Variants in PRKN observed in about 807,000 individuals in gnomAD.
PRKN encodes the protein E3 ubiquitin-protein ligase parkin.
PRKN carries 56 observed loss-of-function variants against 59.5 expected under a neutral mutation model. The observed-to-expected ratio is 0.94, with a 90% CI of 0.76 to 1.18. PRKN has a LOEUF of 1.18. PRKN is among the 50% of genes most tolerant of loss of function. The probability of loss-of-function intolerance (pLI) is 0.00; values close to 1 mark genes in which losing one functional copy is unlikely to be tolerated. For synonymous variants in PRKN, 250 were observed against 222.1 expected (o/e 1.13, Z -1.12); for missense variants, 657 against 596.4 (o/e 1.10, Z -1.06).
At chr6:161,906,918 T>A (rs1342196247) in intron 6 of PRKN, among the ~76,000 whole-genome samples, 2 of 152,042 alleles carry the variant, frequency 1.3e-5, no homozygotes, top group Non-Finnish European at 2.9e-5. Flanking sequence ...ATCCACGCTC[T>A]TCTGCCTGCT....
intron 7 of PRKN, among the ~76,000 whole-genome samples, chr6:161,663,540 G>T (rs892708596): frequency 2.6e-4 from 40 of 152,116 alleles, no homozygotes; most frequent in African/African-American, 9.6e-4. Context: ...ATACTTAGTG[G>T]GATAAATCAA....
Position 161,550,056 on chromosome 6 carries a change from T to C in PRKN, c.934-1053A>G, listed in dbSNP as rs1043760719. The stretch of plus-strand genomic sequence containing the variant: ...TACAAAGCAGGTGTCTTTAAGCAAA[T>C]GTCTGAAGGAGATTAGAAATGCAAG... On this transcript the variant is annotated intron_variant, in intron 8 of 11. Transcript: ENST00000366898. The surrounding 1 kb of genome is among the most constrained non-coding windows in gnomAD (Gnocchi z 4.0). Among the ~76,000 whole-genome samples, 5 of 152,150 alleles carry C rather than the reference T, an allele frequency of 3.3e-5. No individual in the cohort carries two copies. Among genetic ancestry groups the C allele is most frequent in the African/African-American group, 1.2e-4 (5 of 41,426 alleles).
Position 161,460,782 on chromosome 6 carries a change from G to C in PRKN, c.1084-73905C>G. On this transcript the variant is annotated intron_variant, in intron 9 of 11. Transcript: ENST00000366898. This position sits in a 1 kb window ranked among gnomAD's most constrained non-coding sequence, Gnocchi z 5.0. ...TTTTTTTTTCTTCAGATGGAGTCTC[G>C]TTCTGTCGCCAGGCTGGAGTGCAGT... 6.7e-6 allele frequency among the ~76,000 whole-genome samples: 1 copy of C among 148,794 alleles called. No homozygotes were observed. Among genetic ancestry groups the C allele is most frequent in the East Asian group, 2.0e-4 (1 of 5,090 alleles).
chr6:161,603,526 T>C (rs1583281408), intron 7 of PRKN, among the ~76,000 whole-genome samples: 1 of 152,216 alleles, frequency 6.6e-6, no homozygotes, highest in Non-Finnish European at 1.5e-5. Flanking sequence ...ATAAGCTGTT[T>C]AAAATTTTAA....
At chr6:162,489,560 C>T (rs188820890) in intron 1 of PRKN, among the ~76,000 whole-genome samples, 58 of 152,266 alleles carry the variant, frequency 3.8e-4, no homozygotes, top group African/African-American at 1.2e-3. Flanking sequence ...CCTATTTTTA[C>T]GCAAAACCGC....
chr6:162,330,940 CA>C (rs1562676269), intron 2 of PRKN, among the ~76,000 whole-genome samples: 1 of 152,142 alleles, frequency 6.6e-6, no homozygotes, highest in East Asian at 1.9e-4. Context: ...ATACAGACCC[CA>C]GGGGTCCTTC....
At chr6:162,208,894 T>C (rs1003527899) in intron 3 of PRKN, among the ~76,000 whole-genome samples, 1 of 152,164 alleles carries the variant, frequency 6.6e-6, no homozygotes, top group African/African-American at 2.4e-5. Context: ...TGGCTAGCCA[T>C]ATGTAGAAAG....
At chr6:161,472,241 T>C (rs138227753) in intron 9 of PRKN, among the ~76,000 whole-genome samples, 1 of 152,262 alleles carries the variant, frequency 6.6e-6, no homozygotes, top group East Asian at 1.9e-4. Flanking sequence ...TCAGAACTGT[T>C]TGAAAATAGA....
At chr6:161,703,804 C>G (rs974642178) in intron 7 of PRKN, among the ~76,000 whole-genome samples, 1 of 148,262 alleles carries the variant, frequency 6.7e-6, no homozygotes, top group Non-Finnish European at 1.5e-5. Context: ...GAATGTAAAC[C>G]ACATGAGGAC....
chr6:162,109,871 T>C (rs546640173), intron 4 of PRKN, among the ~76,000 whole-genome samples: 7 of 152,316 alleles, frequency 4.6e-5, no homozygotes, highest in Admixed American at 2.0e-4. Context: ...TTACTCAGGA[T>C]CTGAAGCATA....
intron 4 of PRKN, among the ~76,000 whole-genome samples, chr6:162,067,549 C>G (rs1778390647): frequency 6.6e-6 from 1 of 152,190 alleles, no homozygotes; most frequent in South Asian, 2.1e-4. Flanking sequence ...AAAACCCAAA[C>G]TTTTAAAAAA....
At chr6:162,242,246 A>C (rs1256441553) in intron 3 of PRKN, among the ~76,000 whole-genome samples, 1 of 152,128 alleles carries the variant, frequency 6.6e-6, no homozygotes, top group Admixed American at 6.6e-5. Context: ...GTGATTCCTC[A>C]TTCTAAGTAT....
At chr6:161,368,413 G>GGC (rs1264031069) in intron 10 of PRKN, among the ~76,000 whole-genome samples, 1 of 73,110 alleles carries the variant, frequency 1.4e-5, no homozygotes, top group East Asian at 2.7e-4. Context: ...ATATATGCTG[G>GGC]GCCTGGTGGC....
chr6:161,998,787 A>G (rs1355871230), intron 5 of PRKN, among the ~76,000 whole-genome samples: 1 of 152,296 alleles, frequency 6.6e-6, no homozygotes, highest in South Asian at 2.1e-4. Context: ...TAAATTTGTC[A>G]TCGGGTCAAT....
chr6:162,523,118 G>A (rs564213081), intron 1 of PRKN, among the ~76,000 whole-genome samples: 5 of 152,150 alleles, frequency 3.3e-5, no homozygotes, highest in Non-Finnish European at 5.9e-5. Flanking sequence ...TACCTAAGTT[G>A]AGTGCTTATA....
In PRKN at chr6:161,359,947, A is replaced by C; in HGVS notation, c.1285+141T>G. On this transcript the variant is annotated intron_variant, in intron 11 of 11. Coordinates refer to ENST00000366898, the MANE Select transcript of PRKN (RefSeq NM_004562.3). The surrounding 1 kb of genome is among the most constrained non-coding windows in gnomAD (Gnocchi z 5.4). ...AACAAAAACAATAATAATAGTGATA[A>C]TGGGTAACATTAATCGAGGGGTTAC... The C allele has an allele frequency of 1.4e-6, 1 of 737,756 alleles. No individual in the cohort carries two copies. Among genetic ancestry groups the C allele is most frequent in the South Asian group, 1.5e-5 (1 of 67,650 alleles). The allele number at this position is 737,756 out of a possible 1,614,324, so 45.7% of individuals were successfully genotyped here. A position where few individuals can be genotyped will look rare whatever the true frequency, so the allele number is the denominator to read the frequency against.
At position 161,423,447 on chromosome 6, in the gene PRKN, G is replaced by A. The variant is rs1324475076; in HGVS notation, c.1084-36570C>T. The stretch of plus-strand genomic sequence containing the variant: ...AATTTTATGGGGGAACCTTCTGCAC[G>A]TATTCATGCATGAAGAACACACATT... On this transcript the variant is annotated intron_variant, in intron 9 of 11. Coordinates refer to ENST00000366898, the MANE Select transcript of PRKN (RefSeq NM_004562.3). The surrounding 1 kb of genome is among the most constrained non-coding windows in gnomAD (Gnocchi z 5.9). Among the ~76,000 whole-genome samples the A allele has an allele frequency of 3.9e-5, 6 of 152,186 alleles. No homozygotes were observed. Among genetic ancestry groups the A allele is most frequent in the Non-Finnish European group, 8.8e-5 (6 of 68,036 alleles).
At chr6:161,710,697 C>T (rs978847994) in intron 7 of PRKN, among the ~76,000 whole-genome samples, 1 of 152,148 alleles carries the variant, frequency 6.6e-6, no homozygotes, top group East Asian at 1.9e-4. Context: ...TGCTCACCAC[C>T]GGGCTCTGTC....
intron 7 of PRKN, among the ~76,000 whole-genome samples, chr6:161,762,769 T>TAA (rs1362892874): frequency 1.3e-5 from 2 of 152,222 alleles, no homozygotes; most frequent in Non-Finnish European, 2.9e-5. Context: ...TCTTGATGCA[T>TAA]AATTGCTACA....
Sources: allele counts gnomAD v4.1 joint callset (sites outside exome capture counted in the v4.1 genomes callset), GRCh38; gene constraint gnomAD v4.1.1; non-coding constraint Gnocchi (gnomAD v3.1); transcripts MANE v1.5; gene names NCBI Gene and HGNC (gene_info 2026-07-23, HGNC 2026-07-21).